Variants in MAGI2 observed in about 807,000 individuals in gnomAD.
MAGI2 encodes membrane associated guanylate kinase, WW and PDZ domain containing 2, also known as membrane-associated guanylate kinase, WW and PDZ domain-containing protein 2.
MAGI2 carries 35 observed loss-of-function variants against 133.3 expected under a neutral mutation model. The ratio of observed to expected loss-of-function variants is 0.26; its 90% CI spans 0.20 to 0.35. The LOEUF (loss-of-function observed/expected upper bound fraction) is 0.35, where lower values mean the gene tolerates loss of function less well. Among genes scored for constraint, MAGI2 ranks in the 10% least tolerant of loss-of-function variants. The probability of loss-of-function intolerance (pLI) is 1.00; values close to 1 mark genes in which losing one functional copy is unlikely to be tolerated. For missense variants in MAGI2, 1,636 were observed against 1,863.4 expected (o/e 0.88, Z 2.25); for synonymous variants, 729 against 710.6 (o/e 1.03, Z -0.41).
chr7:79,027,436 G>A (rs1810008439), intron 1 of MAGI2, among the ~76,000 whole-genome samples: 1 of 151,970 alleles, frequency 6.6e-6, no homozygotes, highest in African/African-American at 2.4e-5. Context: ...ATTACGCTAA[G>A]TGGAATAAGC....
chr7:78,181,222 C>A (rs924972977), intron 13 of MAGI2, among the ~76,000 whole-genome samples: 2 of 152,028 alleles, frequency 1.3e-5, no homozygotes, highest in Admixed American at 1.3e-4. Flanking sequence ...ATCCAAGGGC[C>A]ATCTCTTTAC....
rs556971398 is a variant in MAGI2 at position 79,104,860 on chromosome 7, G to T, written c.302-97654C>A. On this transcript the variant is annotated intron_variant, in intron 1 of 21. Coordinates refer to ENST00000354212, the MANE Select transcript of MAGI2 (RefSeq NM_012301.4). ...CTAAACCTGTCAGTGACACTGCTGG[G>T]TGTCTACCAGAAGCTCTCACGCCTG... 3.9e-5 allele frequency among the ~76,000 whole-genome samples: 6 copies of T among 152,214 alleles called. No individual in the cohort carries two copies. The East Asian group carries it at 1.2e-3, about 29-fold the overall frequency.
chr7:78,557,080 C>CAAAAAAA (rs796371005), intron 3 of MAGI2, among the ~76,000 whole-genome samples: 590 of 40,658 alleles, frequency 0.015, 44 homozygotes, highest in African/African-American at 0.061. Context: ...GGCAGAGTCT[C>CAAAAAAA]AAAAAAAAAA....
intron 2 of MAGI2, among the ~76,000 whole-genome samples, chr7:78,633,240 T>TGAGGGCG (rs1809222328): frequency 6.6e-6 from 1 of 152,028 alleles, no homozygotes; most frequent in Non-Finnish European, 1.5e-5. Flanking sequence ...GGGGTCTACT[T>TGAGGGCG]GAGGGCGGAA....
intron 2 of MAGI2, among the ~76,000 whole-genome samples, chr7:78,843,521 A>G (rs1261045427): frequency 6.6e-6 from 1 of 151,974 alleles, no homozygotes; most frequent in Non-Finnish European, 1.5e-5. Flanking sequence ...AAAACTAAAT[A>G]AAGCATAAAA....
At chr7:78,250,848 A>G (rs185905668) in intron 10 of MAGI2, among the ~76,000 whole-genome samples, 8 of 152,140 alleles carry the variant, frequency 5.3e-5, no homozygotes, top group Admixed American at 5.2e-4. Context: ...AAACTGTTTC[A>G]GAAGTTAGAG....
chr7:78,603,688 A>AT (rs1261739184), intron 3 of MAGI2, among the ~76,000 whole-genome samples: 10 of 152,020 alleles, frequency 6.6e-5, no homozygotes, highest in South Asian at 4.1e-4. Context: ...CACCAGGCTA[A>AT]TTTTTTGTAT....
chr7:78,559,238 G>GTT (rs375030951), intron 3 of MAGI2, among the ~76,000 whole-genome samples: 142 of 128,396 alleles, frequency 1.1e-3, no homozygotes, highest in African/African-American at 3.6e-3. Flanking sequence ...TTCCTTTCAG[G>GTT]TTTTTTTTTT....
intron 1 of MAGI2, among the ~76,000 whole-genome samples, chr7:79,279,068 C>A (rs189393107): frequency 6.6e-6 from 1 of 152,086 alleles, no homozygotes; most frequent in African/African-American, 2.4e-5. Context: ...GCTTGCTGCT[C>A]AATCTAAAGG....
intron 2 of MAGI2, among the ~76,000 whole-genome samples, chr7:78,879,974 CAG>C (rs2151541202): frequency 6.6e-6 from 1 of 151,994 alleles, no homozygotes; most frequent in East Asian, 1.9e-4. Flanking sequence ...GAAAGATTTT[CAG>C]AGATTAGGGA....
intron 2 of MAGI2, among the ~76,000 whole-genome samples, chr7:78,897,170 T>C (rs1797275861): frequency 1.3e-5 from 2 of 152,208 alleles, no homozygotes; most frequent in African/African-American, 4.8e-5. Flanking sequence ...ATCATATTTA[T>C]CTAATTTCAT....
chr7:78,789,910 G>T (rs1030423706), intron 2 of MAGI2, among the ~76,000 whole-genome samples: 1 of 152,076 alleles, frequency 6.6e-6, no homozygotes, highest in African/African-American at 2.4e-5. Flanking sequence ...AATGAAAATA[G>T]TTATAAGTAG....
intron 2 of MAGI2, among the ~76,000 whole-genome samples, chr7:78,697,081 C>T (rs1468102431): frequency 2.6e-5 from 4 of 152,148 alleles, no homozygotes; most frequent in African/African-American, 9.7e-5. Flanking sequence ...TATAATTTGC[C>T]AATTGGCTCT....
At chr7:79,227,850 G>T (rs960339622) in intron 1 of MAGI2, among the ~76,000 whole-genome samples, 1 of 152,118 alleles carries the variant, frequency 6.6e-6, no homozygotes, top group African/African-American at 2.4e-5. Context: ...CTTCTTGGTT[G>T]CTCCTCACAC....
intron 3 of MAGI2, among the ~76,000 whole-genome samples, chr7:78,576,715 AT>A (rs1241450620): frequency 3.3e-5 from 5 of 152,246 alleles, no homozygotes; most frequent in African/African-American, 1.2e-4. Context: ...CCCCACAACT[AT>A]TCACTTCTTT....
chr7:78,741,428 C>G (rs66495951), intron 2 of MAGI2, among the ~76,000 whole-genome samples: 1 of 116,036 alleles, frequency 8.6e-6, no homozygotes, highest in Non-Finnish European at 1.7e-5. Flanking sequence ...CACACACACA[C>G]GGGAGGGGGG....
intron 10 of MAGI2, among the ~76,000 whole-genome samples, chr7:78,213,894 C>G (rs1410702143): frequency 6.6e-6 from 1 of 152,180 alleles, no homozygotes; most frequent in Non-Finnish European, 1.5e-5. Flanking sequence ...CCTCTGGTAA[C>G]TCAGGCATAC....
chr7:79,255,798 T>G (rs1335540495), intron 1 of MAGI2, among the ~76,000 whole-genome samples: 2 of 152,102 alleles, frequency 1.3e-5, no homozygotes, highest in African/African-American at 4.8e-5. Flanking sequence ...TTTTAGACAA[T>G]TATGCTATCA....
At chr7:78,604,372 C>T (rs539229672) in intron 3 of MAGI2, among the ~76,000 whole-genome samples, 4 of 152,286 alleles carry the variant, frequency 2.6e-5, no homozygotes, top group South Asian at 4.1e-4. Context: ...TAGAATAGAA[C>T]TGGGTGGTTT....
Sources: allele counts gnomAD v4.1 joint callset (sites outside exome capture counted in the v4.1 genomes callset), GRCh38; gene constraint gnomAD v4.1.1; transcripts MANE v1.5; gene names NCBI Gene and HGNC (gene_info 2026-07-23, HGNC 2026-07-21).